The following NECTIN2 variants were observed in gnomAD, a reference collection of about 807,000 sequenced individuals.
NECTIN2 encodes nectin-2.
In NECTIN2, 23 loss-of-function variants were observed where a neutral mutation model predicts 56.9. The ratio of observed to expected loss-of-function variants is 0.40; its 90% CI spans 0.29 to 0.57. The LOEUF (loss-of-function observed/expected upper bound fraction) is 0.57, where lower values mean the gene tolerates loss of function less well. Among genes scored for constraint, NECTIN2 ranks in the 20% least tolerant of loss-of-function variants. The pLI is 0.38. For missense variants in NECTIN2, 587 were observed against 718.3 expected (o/e 0.82, Z 2.09); for synonymous variants, 302 against 313.8 (o/e 0.96, Z 0.40).
chr19:44,873,636 AACACAC>A (rs34606745), intron 3 of NECTIN2, among the ~76,000 whole-genome samples: 2 of 149,872 alleles, frequency 1.3e-5, no homozygotes, highest in African/African-American at 2.4e-5. Context: ...CTGTCTCAAA[AACACAC>A]ACACACACAC....
intron 1 of NECTIN2, among the ~76,000 whole-genome samples, chr19:44,859,541 G>A (rs1055631735): frequency 6.6e-6 from 1 of 152,052 alleles, no homozygotes; most frequent in African/African-American, 2.4e-5. Context: ...GAGAAAACAT[G>A]GGCCACACGC....
At chr19:44,886,309 GTCATAAC>G (rs904332557) in intron 8 of NECTIN2, 90 bp downstream of exon 8, 7 of 1,070,556 alleles carry the variant, frequency 6.5e-6, no homozygotes, top group Non-Finnish European at 9.8e-6. Context: ...AAGACTAAAG[GTCATAAC>G]TCAAGGTCAA....
At chr19:44,873,821 C>A (rs920445040) in intron 3 of NECTIN2, 95 bp from the exon 4 acceptor site, 1 of 919,914 alleles carries the variant, frequency 1.1e-6, no homozygotes, top group Non-Finnish European at 1.7e-6. Context: ...CCTGCCAACC[C>A]GCCCCGTTTC....
intron 5 of NECTIN2, chr19:44,878,277 G>T (rs1445545834): frequency 1.7e-6 from 2 of 1,192,760 alleles, no homozygotes; most frequent in Admixed American, 4.1e-5. Flanking sequence ...GGGGCCGTGG[G>T]GGGGACACTG....
At position 44,875,553 on chromosome 19, in the gene NECTIN2, A is replaced by G. The variant is rs140237259; in HGVS notation, c.1042+1075A>G. Among the ~76,000 whole-genome samples the G allele has an allele frequency of 7.9e-5, 12 of 152,360 alleles. No individual in the cohort carries two copies. The East Asian group carries it at 2.3e-3, about 29-fold the overall frequency. ...AGTGCTGGGATTATATGCATGAGCCACTGCGCCTGGCCAGAAAAAGACATT... is the reference window on the plus strand; with the variant it reads ...AGTGCTGGGATTATATGCATGAGCCGCTGCGCCTGGCCAGAAAAAGACATT... On this transcript the variant is annotated intron_variant, in intron 5 of 8. Coordinates refer to ENST00000252483, the MANE Select transcript of NECTIN2 (RefSeq NM_001042724.2). The surrounding 1 kb of genome is among the most constrained non-coding windows in gnomAD (Gnocchi z 4.2).
rs954935549 is a variant in NECTIN2 at position 44,875,419 on chromosome 19, C to A, written c.1042+941C>A. 2.6e-5 allele frequency among the ~76,000 whole-genome samples: 4 copies of A among 152,180 alleles called. No homozygotes were observed. The highest frequency in any genetic ancestry group is 5.9e-5 in the Non-Finnish European group (4 of 68,026). The stretch of plus-strand genomic sequence containing the variant: ...TAGCTGGGACTATATGCGCTCACCA[C>A]CAAACCCGGCTAAGTTTTGTATTTT... On this transcript the variant is annotated intron_variant, in intron 5 of 8. Coordinates refer to ENST00000252483, the MANE Select transcript of NECTIN2 (RefSeq NM_001042724.2). This position sits in a 1 kb window ranked among gnomAD's most constrained non-coding sequence, Gnocchi z 4.2.
chr19:44,868,710 G>A (rs1050710650), intron 2 of NECTIN2, among the ~76,000 whole-genome samples: 7 of 151,036 alleles, frequency 4.6e-5, no homozygotes, highest in South Asian at 2.1e-4. Context: ...TCAGGAAATC[G>A]AGACCATCCT....
At chr19:44,868,804 C>T (rs1013593547) in intron 2 of NECTIN2, among the ~76,000 whole-genome samples, 2 of 151,560 alleles carry the variant, frequency 1.3e-5, no homozygotes, top group South Asian at 2.1e-4. Flanking sequence ...CCCAGCTACT[C>T]GGGAGATTGA....
At chr19:44,850,714 G>T (rs942047884) in intron 1 of NECTIN2, among the ~76,000 whole-genome samples, 14 of 152,170 alleles carry the variant, frequency 9.2e-5, no homozygotes, top group African/African-American at 3.4e-4. Context: ...GGCACAGACA[G>T]ACAGCCCTAC....
chr19:44,874,398 G>A lies in NECTIN2; in HGVS notation c.962G>A (p.Ser321Asn), dbSNP rs1033637315. Residue 321 changes from serine (S) to asparagine (N), a missense_variant, in exon 5 of 9, where the codon AGT becomes AAT. Coordinates refer to ENST00000252483, the MANE Select transcript of NECTIN2 (RefSeq NM_001042724.2). The surrounding 1 kb of genome is among the most constrained non-coding windows in gnomAD (Gnocchi z 6.3). ...CAGCTGGTCATCCACGCAGTGGACA[G>A]TCTGTTCAATACCACCTTCGTCTGC... ...GSQLVIHAVD[S>N]LFNTTFVCTV... is the part of the protein sequence containing the mutation. 2 of 1,614,040 alleles carry A rather than the reference G, an allele frequency of 1.2e-6. No homozygotes were observed. Among genetic ancestry groups the A allele is most frequent in the Admixed American group, 3.3e-5 (2 of 60,002 alleles).
intron 1 of NECTIN2, among the ~76,000 whole-genome samples, chr19:44,857,073 A>G (rs1410933375): frequency 1.3e-5 from 2 of 152,192 alleles, no homozygotes; most frequent in Non-Finnish European, 2.9e-5. Flanking sequence ...GCTTGGAGAC[A>G]AGGCTGCCAG....
At chr19:44,882,417 G>A in intron 6 of NECTIN2, 53 bp downstream of exon 6, 3 of 1,328,954 alleles carry the variant, frequency 2.3e-6, no homozygotes, top group Middle Eastern at 4.6e-4. Context: ...GAACTGAGGA[G>A]TATGGGGTAG....
chr19:44,869,978 T>G (rs1251855012), intron 2 of NECTIN2, among the ~76,000 whole-genome samples: 1 of 151,430 alleles, frequency 6.6e-6, no homozygotes, highest in Admixed American at 6.6e-5. Flanking sequence ...GAGAGAGAGA[T>G]AACCTCAAGA....
At chr19:44,867,089 GC>G (rs547821021) in intron 2 of NECTIN2, among the ~76,000 whole-genome samples, 127 of 152,092 alleles carry the variant, frequency 8.4e-4, no homozygotes, top group African/African-American at 2.9e-3. Context: ...CGCGATCTCG[GC>G]TCACTGCAAC....
At chr19:44,881,506 ATC>A (rs1415564364) in intron 5 of NECTIN2, among the ~76,000 whole-genome samples, 1 of 144,298 alleles carries the variant, frequency 6.9e-6, no homozygotes, top group African/African-American at 2.6e-5. Flanking sequence ...GCAAAACCCC[ATC>A]TCTACAAAAA....
At chr19:44,853,531 C>T (rs2122632736) in intron 1 of NECTIN2, among the ~76,000 whole-genome samples, 1 of 151,288 alleles carries the variant, frequency 6.6e-6, no homozygotes, top group Admixed American at 6.6e-5. Flanking sequence ...CTCTGTCCCC[C>T]AGGCTGGAGT....
chr19:44,886,045 C>A, intron 7 of NECTIN2, 45 bp downstream of exon 7: 1 of 1,573,640 alleles, frequency 6.4e-7, no homozygotes, highest in Non-Finnish European at 8.7e-7. Context: ...CCTCCACACC[C>A]ACCCCAGGGC....
At position 44,874,732 on chromosome 19, in the gene NECTIN2, A is replaced by G. The variant is rs1969217991; in HGVS notation, c.1042+254A>G. 1 of 492,116 alleles carries G rather than the reference A, an allele frequency of 2.0e-6. No individual in the cohort carries two copies. The allele number at this position is 492,116 out of a possible 1,614,324, so 30.5% of individuals were successfully genotyped here. A position where few individuals can be genotyped will look rare whatever the true frequency, so the allele number is the denominator to read the frequency against. The stretch of plus-strand genomic sequence containing the variant: ...ACTTTGCTCGGGGTTCCTAGAAAGT[A>G]GAGGCCTGGGTAGGGTCCTCACGAA... On this transcript the variant is annotated intron_variant, in intron 5 of 8. Coordinates refer to ENST00000252483, the MANE Select transcript of NECTIN2 (RefSeq NM_001042724.2). The surrounding 1 kb of genome is among the most constrained non-coding windows in gnomAD (Gnocchi z 6.3).
intron 6 of NECTIN2, among the ~76,000 whole-genome samples, chr19:44,885,404 C>T (rs185265870): frequency 7.9e-5 from 12 of 151,352 alleles, no homozygotes; most frequent in African/African-American, 2.9e-4. Context: ...CTCTGCCTCC[C>T]GAGTTCAAGC....
Sources: allele counts gnomAD v4.1 joint callset (sites outside exome capture counted in the v4.1 genomes callset), GRCh38; gene constraint gnomAD v4.1.1; non-coding constraint Gnocchi (gnomAD v3.1); transcripts MANE v1.5; gene names NCBI Gene and HGNC (gene_info 2026-07-23, HGNC 2026-07-21).